The following SBF2 variants were observed in gnomAD, a reference collection of about 807,000 sequenced individuals.
SBF2 encodes the protein myotubularin-related protein 13.
SBF2 carries 112 observed loss-of-function variants against 225.2 expected under a neutral mutation model. The ratio of observed to expected loss-of-function variants is 0.50; its 90% confidence interval spans 0.43 to 0.58. The LOEUF (loss-of-function observed/expected upper bound fraction) is 0.58, where lower values mean the gene tolerates loss of function less well. Among genes scored for constraint, SBF2 ranks in the 20% least tolerant of loss-of-function variants. The pLI is 0.00. For missense variants in SBF2, 1,996 were observed against 2,206.2 expected, an observed-to-expected ratio of 0.90 and a Z score of 1.91; for synonymous variants, 763 against 773.3, an observed-to-expected ratio of 0.99 and a Z score of 0.22.
chr11:10,123,921 A>C (rs1953606209), intron 2 of SBF2, among the ~76,000 whole-genome samples: 1 of 152,210 alleles, frequency 6.6e-6, no homozygotes, highest in South Asian at 2.1e-4. Flanking sequence ...GTATTTTGCT[A>C]TTCCAAGAAA....
chr11:10,147,242 C>T (rs1314597173), intron 2 of SBF2, among the ~76,000 whole-genome samples: 2 of 152,026 alleles, frequency 1.3e-5, no homozygotes, highest in African/African-American at 2.4e-5. Flanking sequence ...GAGTATAACT[C>T]GTTCTATCAT....
At chr11:10,055,524 T>TACACACACAC (rs3993326) in intron 2 of SBF2, among the ~76,000 whole-genome samples, 6 of 133,746 alleles carry the variant, frequency 4.5e-5, no homozygotes, top group East Asian at 2.2e-4. Context: ...AAGAAAATGA[T>TACACACACAC]ACACACACAC....
At chr11:10,228,680 G>A (rs948541575) in intron 1 of SBF2, among the ~76,000 whole-genome samples, 24 of 152,128 alleles carry the variant, frequency 1.6e-4, no homozygotes, top group African/African-American at 2.4e-4. Flanking sequence ...CCACTTGATC[G>A]TGGTGGATAA....
chr11:9,832,482 G>C, intron 26 of SBF2, 62 bp from the exon 27 acceptor site: 1 of 1,219,154 alleles, frequency 8.2e-7, no homozygotes, highest in Non-Finnish European at 1.2e-6. Flanking sequence ...GAAGAAAAGG[G>C]GAAAGGAAAT....
At chr11:10,160,422 C>G (rs1018237082) in intron 2 of SBF2, among the ~76,000 whole-genome samples, 1 of 151,412 alleles carries the variant, frequency 6.6e-6, no homozygotes, top group South Asian at 2.1e-4. Context: ...CTATATGGGC[C>G]AAAAAGATCT....
At position 9,858,295 on chromosome 11, in the gene SBF2, C is replaced by T. The variant is rs1225275528; in HGVS notation, c.2031G>A (p.Val677=). Residue 677 remains valine (V), a synonymous_variant, in exon 18 of 40, where the codon GTG becomes GTA. Transcript: ENST00000256190. Reference sequence around the variant, plus strand: ...GATAAAGGGAGCGAACCTGTTCCTGCACTGCATTGTAAAAGGTTGTCTCCC... The same window carrying T: ...GATAAAGGGAGCGAACCTGTTCCTGTACTGCATTGTAAAAGGTTGTCTCCC... The part of the protein sequence containing the change: ...QFWETTFYNA[V]QEQVRSLYLS... 1.9e-5 allele frequency: 31 copies of T among 1,614,040 alleles called. No individual in the cohort carries two copies. Among genetic ancestry groups the T allele is most frequent in the Admixed American group, 8.3e-5 (5 of 60,008 alleles).
rs79284481 is a variant in SBF2 at position 9,977,569 on chromosome 11, T to C, written c.1396-9024A>G. Among the ~76,000 whole-genome samples the C allele has an allele frequency of 9.8e-3, 1,497 of 152,068 alleles. 26 individuals are homozygous for C. Among genetic ancestry groups the C allele is most frequent in the African/African-American group, 0.034 (1,400 of 41,488 alleles). On this transcript the variant is annotated intron_variant, in intron 13 of 39. Coordinates refer to ENST00000256190, the MANE Select transcript of SBF2 (RefSeq NM_030962.4). ...GTTCTCATGCAGACACTGAAGATTC[T>C]GAAAGCCAAAAAAGTAGGCCAACTC...
intron 16 of SBF2, among the ~76,000 whole-genome samples, chr11:9,945,576 CA>C (rs1299426383): frequency 6.6e-6 from 1 of 151,826 alleles, no homozygotes; most frequent in African/African-American, 2.4e-5. Flanking sequence ...GCAGGTGCAA[CA>C]AAATAAAAAA....
chr11:9,916,972 C>T (rs2134207427), intron 16 of SBF2, among the ~76,000 whole-genome samples: 2 of 151,784 alleles, frequency 1.3e-5, no homozygotes, highest in Middle Eastern at 3.4e-3. Flanking sequence ...CTGTAACCCC[C>T]ACCCTTATCA....
intron 16 of SBF2, among the ~76,000 whole-genome samples, chr11:9,918,646 C>T (rs1309619673): frequency 2.6e-5 from 4 of 152,208 alleles, no homozygotes; most frequent in African/African-American, 9.7e-5. Flanking sequence ...GCTGAGATTA[C>T]ATTTATGAGC....
chr11:10,152,034 T>G (rs1295167227), intron 2 of SBF2, among the ~76,000 whole-genome samples: 2 of 152,250 alleles, frequency 1.3e-5, no homozygotes, highest in African/African-American at 4.8e-5. Context: ...TAAGATTTAC[T>G]AAAAATTAGG....
At chr11:9,882,954 T>A (rs1400398993) in intron 17 of SBF2, among the ~76,000 whole-genome samples, 2 of 152,120 alleles carry the variant, frequency 1.3e-5, no homozygotes, top group African/African-American at 4.8e-5. Flanking sequence ...TAGCTATCTA[T>A]TAGCCTGGGC....
At chr11:10,268,583 T>C (rs1962206936) in intron 1 of SBF2, among the ~76,000 whole-genome samples, 1 of 152,126 alleles carries the variant, frequency 6.6e-6, no homozygotes, top group African/African-American at 2.4e-5. Flanking sequence ...GTTAGGAAAA[T>C]CACCAAAAGC....
intron 2 of SBF2, among the ~76,000 whole-genome samples, chr11:10,103,922 A>C (rs976186173): frequency 2.0e-5 from 3 of 152,082 alleles, no homozygotes; most frequent in Admixed American, 6.5e-5. Context: ...TGCTCCAAAA[A>C]ACCTTTTAAA....
chr11:9,995,108 G>C (rs948842549), intron 9 of SBF2, among the ~76,000 whole-genome samples: 2 of 151,972 alleles, frequency 1.3e-5, no homozygotes, highest in Admixed American at 6.6e-5. Flanking sequence ...GTCTAGACAG[G>C]TGAAAGTATA....
Position 9,919,970 on chromosome 11 carries a change from G to A in SBF2, c.1861-23959C>T, listed in dbSNP as rs967435005. ...TGGTCTGGAACTCCTGACCTCAGGT[G>A]ATCCGCCTGCCTGGGCCTCCTAAAG... is the stretch of plus-strand genomic sequence containing the variant. On this transcript the variant is annotated intron_variant, in intron 16 of 39. Coordinates refer to ENST00000256190, the MANE Select transcript of SBF2 (RefSeq NM_030962.4). Among the ~76,000 whole-genome samples, 4 of 151,974 alleles carry A rather than the reference G, an allele frequency of 2.6e-5. No individual in the cohort carries two copies. The East Asian group carries it at 7.7e-4, about 29-fold the overall frequency.
At chr11:9,917,392 C>A (rs776162920) in intron 16 of SBF2, among the ~76,000 whole-genome samples, 10 of 151,722 alleles carry the variant, frequency 6.6e-5, no homozygotes, top group Non-Finnish European at 1.3e-4. Context: ...AGTGCAGTGA[C>A]ACGGTCTTGG....
At chr11:10,293,823 C>G (rs1277675820) in intron 1 of SBF2, among the ~76,000 whole-genome samples, 192 bp downstream of exon 1, 2 of 152,148 alleles carry the variant, frequency 1.3e-5, no homozygotes, top group African/African-American at 4.8e-5. Flanking sequence ...CTCCCCCTAC[C>G]GTCGTGCCGG....
intron 1 of SBF2, among the ~76,000 whole-genome samples, chr11:10,214,428 C>G (rs1451078216): frequency 6.6e-6 from 1 of 152,112 alleles, no homozygotes; most frequent in East Asian, 1.9e-4. Context: ...TCCAGACCAT[C>G]CTGGCTAACA....
Sources: allele counts gnomAD v4.1 joint callset (sites outside exome capture counted in the v4.1 genomes callset), GRCh38; gene constraint gnomAD v4.1.1; transcripts MANE v1.5; gene names NCBI Gene and HGNC (gene_info 2026-07-23, HGNC 2026-07-21).